Variants in TRPC6 observed in about 807,000 individuals in gnomAD.
TRPC6 encodes transient receptor potential cation channel subfamily C member 6, also known as short transient receptor potential channel 6.
TRPC6 carries 55 observed loss-of-function variants against 90.7 expected under a neutral mutation model. That is an observed-to-expected ratio of 0.61 (90% CI 0.49 to 0.76). The LOEUF is 0.76. TRPC6 is among the 30% of genes least tolerant of loss of function. The pLI is 0.00. For missense variants in TRPC6, 989 were observed against 1,122.7 expected (o/e 0.88, Z 1.70); for synonymous variants, 393 against 393.0 (o/e 1.00, Z 0.00).
intron 1 of TRPC6, among the ~76,000 whole-genome samples, chr11:101,551,540 A>G (rs1213692120): frequency 1.3e-5 from 2 of 152,014 alleles, no homozygotes; most frequent in Non-Finnish European, 2.9e-5. Flanking sequence ...CCAGTGCTTC[A>G]TGAAATTGCT....
intron 1 of TRPC6, among the ~76,000 whole-genome samples, chr11:101,565,089 C>T (rs929405092): frequency 4.6e-5 from 7 of 151,974 alleles, no homozygotes; most frequent in African/African-American, 1.4e-4. Context: ...AAGACCTAAA[C>T]ATAAGATCTT....
intron 1 of TRPC6, among the ~76,000 whole-genome samples, chr11:101,568,781 G>A (rs114502357): frequency 0.097 from 14,704 of 152,130 alleles, 759 homozygotes; most frequent in East Asian, 0.11. Flanking sequence ...TAAGCGAAGG[G>A]CAAATAAAAT....
intron 2 of TRPC6, among the ~76,000 whole-genome samples, chr11:101,500,906 A>G (rs553025787): frequency 2.0e-5 from 3 of 152,280 alleles, no homozygotes; most frequent in Admixed American, 2.0e-4. Context: ...AGTCCTTTGC[A>G]TATATCTGAA....
intron 4 of TRPC6, among the ~76,000 whole-genome samples, chr11:101,483,918 C>A (rs562342648): frequency 6.6e-6 from 1 of 152,098 alleles, no homozygotes; most frequent in Non-Finnish European, 1.5e-5. Context: ...TCATCTCTGT[C>A]TAAGAGGTAC....
chr11:101,566,724 A>G (rs1861841165), intron 1 of TRPC6, among the ~76,000 whole-genome samples: 1 of 152,112 alleles, frequency 6.6e-6, no homozygotes, highest in South Asian at 2.1e-4. Flanking sequence ...GGTGCAACAC[A>G]AGGAGGGCCA....
At chr11:101,493,394 C>T (rs1859873495) in intron 2 of TRPC6, among the ~76,000 whole-genome samples, 1 of 152,156 alleles carries the variant, frequency 6.6e-6, no homozygotes, top group Non-Finnish European at 1.5e-5. Flanking sequence ...TGAGCTAGAG[C>T]TTGTTGTATT....
intron 1 of TRPC6, among the ~76,000 whole-genome samples, chr11:101,536,631 C>G (rs1861054792): frequency 1.3e-5 from 2 of 152,002 alleles, no homozygotes; most frequent in Non-Finnish European, 2.9e-5. Context: ...TATCATGGCC[C>G]TTAAGATCCT....
chr11:101,515,592 G>GT (rs1345413974), intron 1 of TRPC6, among the ~76,000 whole-genome samples: 2 of 115,044 alleles, frequency 1.7e-5, no homozygotes, highest in Non-Finnish European at 3.8e-5. Flanking sequence ...GAGCACCCTA[G>GT]TTTGTCACAG....
chr11:101,459,374 G>A lies in TRPC6; in HGVS notation c.2485-4273C>T, dbSNP rs112084998. ...CAGGGAACGGCACATCTCTGTAGCTGCCAGAAGACACACTTACACAAAAGG... is the reference window on the plus strand; with the variant it reads ...CAGGGAACGGCACATCTCTGTAGCTACCAGAAGACACACTTACACAAAAGG... On this transcript the variant is annotated intron_variant, in intron 10 of 12. Transcript: ENST00000344327. 1.6e-3 allele frequency among the ~76,000 whole-genome samples: 249 copies of A among 152,290 alleles called. 1 individual carries two copies. Among genetic ancestry groups the A allele is most frequent in the Non-Finnish European group, 2.0e-3 (133 of 68,036 alleles).
At position 101,495,633 on chromosome 11, in the gene TRPC6, T is replaced by TATTATTATC. The variant is rs377163485; in HGVS notation, c.946-3896_946-3895insGATAATAAT. ...TTATTATTATTATTATTATTATTAT[T>TATTATTATC]ATCATTGTTTTCATTATTTCACAAA... On this transcript the variant is annotated intron_variant, in intron 2 of 12. Coordinates refer to ENST00000344327, the MANE Select transcript of TRPC6 (RefSeq NM_004621.6). Among the ~76,000 whole-genome samples the TATTATTATC allele has an allele frequency of 4.1e-3, 594 of 144,476 alleles. 2 individuals are homozygous for TATTATTATC. Among genetic ancestry groups the TATTATTATC allele is most frequent in the Middle Eastern group, 0.019 (5 of 270 alleles). 94.8% of individuals were successfully genotyped at this position (144,476 alleles called of 152,430 possible). A position where few individuals can be genotyped will look rare whatever the true frequency, so the allele number is the denominator to read the frequency against.
chr11:101,466,610 AT>A (rs1859151589), intron 10 of TRPC6, among the ~76,000 whole-genome samples: 1 of 152,176 alleles, frequency 6.6e-6, no homozygotes, highest in South Asian at 2.1e-4. Flanking sequence ...GGCAGCGATA[AT>A]TTCAAGCCAG....
At chr11:101,549,858 G>A (rs545050106) in intron 1 of TRPC6, among the ~76,000 whole-genome samples, 8 of 151,228 alleles carry the variant, frequency 5.3e-5, no homozygotes, top group African/African-American at 1.9e-4. Context: ...GCAATACTTA[G>A]AAAAATATTT....
In TRPC6 at chr11:101,583,711, G is replaced by T; in HGVS notation, c.-208C>A. On this transcript the variant is annotated 5_prime_UTR_variant, in exon 1 of 13. Transcript: ENST00000344327. The stretch of plus-strand genomic sequence containing the variant: ...CGGGGAAAAGTCACCACTTAAGGGG[G>T]TGCAAAGAGGATCTTGACCTGAGCA... 4.0e-6 allele frequency: 2 copies of T among 501,368 alleles called. No individual in the cohort carries two copies. Among genetic ancestry groups the T allele is most frequent in the Non-Finnish European group, 6.7e-6 (2 of 297,964 alleles). The allele number at this position is 501,368 out of a possible 1,614,324, so 31.1% of individuals were successfully genotyped here. A position where few individuals can be genotyped will look rare whatever the true frequency, so the allele number is the denominator to read the frequency against.
chr11:101,511,898 C>T (rs11224808), intron 1 of TRPC6, among the ~76,000 whole-genome samples: 159 of 151,998 alleles, frequency 1.0e-3, no homozygotes, highest in African/African-American at 3.6e-3. Context: ...GAGGCTGAGG[C>T]GAGAGAATAG....
rs139330011 is a variant in TRPC6 at position 101,452,981 on chromosome 11, G to A, written c.2770C>T (p.Pro924Ser). 182 of 1,613,878 alleles carry A rather than the reference G, an allele frequency of 1.1e-4. 1 individual carries two copies. In the East Asian group the frequency reaches 3.1e-3, roughly 28 times the overall value. Residue 924 changes from proline (P) to serine (S), a missense_variant, in exon 13 of 13, where the codon CCA becomes TCA. Pro to Ser is a moderately conservative substitution (Grantham distance 74). Around this residue, in one of 4 missense-constraint regions of TRPC6, gnomAD observed 191 missense variants for 196.7 expected, o/e 0.97. Transcript: ENST00000344327. ...RELGEKLSME[P>S]NQEETNR ...TATCTATTGGTTTCCTCTTGATTTG[G>A]TTCCATGGATAATTTCTCTCCAAGT...
chr11:101,515,585 C>T (rs557413236), intron 1 of TRPC6, among the ~76,000 whole-genome samples: 81 of 139,528 alleles, frequency 5.8e-4, no homozygotes, highest in African/African-American at 2.2e-3. Flanking sequence ...GAATGGAGAG[C>T]ACCCTAGTTT....
chr11:101,545,377 G>A (rs1040027470), intron 1 of TRPC6, among the ~76,000 whole-genome samples: 1 of 152,034 alleles, frequency 6.6e-6, no homozygotes, highest in Non-Finnish European at 1.5e-5. Flanking sequence ...TTTATATCAG[G>A]GACTTAAGCA....
Position 101,583,349 on chromosome 11 carries a change from C to A in TRPC6, c.155G>T (p.Gly52Val). ...CGGCACTCACAAGCAGGGGTAGTAG[C>A]CGTAGCAAGGCAGCGGGGCTTGCGG... ...GCPQAPLPCY[G>V]YYPCFRGSDN... The change falls in exon 1 of 13, where the codon GGC becomes GTC. Residue 52 changes from glycine to valine, a missense_variant. This residue lies in a region of TRPC6 where 194 missense variants were observed against 136.5 expected (regional missense o/e 1.42). Transcript: ENST00000344327. 1 of 1,592,656 alleles carries A rather than the reference C, an allele frequency of 6.3e-7. No individual in the cohort carries two copies. The highest frequency in any genetic ancestry group is 2.3e-5 in the East Asian group (1 of 43,572).
intron 1 of TRPC6, among the ~76,000 whole-genome samples, chr11:101,516,286 A>G (rs1011002541): frequency 4.6e-5 from 7 of 152,150 alleles, no homozygotes; most frequent in African/African-American, 1.4e-4. Flanking sequence ...CAGATGTCCT[A>G]TTTCATTTCT....
Sources: gnomAD v4.1 joint callset for allele counts (sites outside exome capture counted in the v4.1 genomes callset) on GRCh38, gnomAD v4.1.1 for gene constraint, gnomAD v4.1.1 regional missense constraint, MANE v1.5 for transcripts, NCBI Gene and HGNC (gene_info 2026-07-23, HGNC 2026-07-21) for gene names.